Variants in F5 observed in about 807,000 individuals in gnomAD.
The protein encoded by F5 is activated protein c cofactor.
F5 carries 138 observed loss-of-function variants against 216.4 expected under a neutral mutation model. The observed-to-expected ratio is 0.64, with a 90% CI of 0.56 to 0.73. F5 has a LOEUF of 0.73. Ranked by LOEUF, F5 falls within the 30% of genes least tolerant of loss-of-function variation. F5 has a pLI of 0.00. For missense variants in F5, 2,403 were observed against 2,674.0 expected, an observed-to-expected ratio of 0.90 and a Z score of 2.24; for synonymous variants, 916 against 930.7, an observed-to-expected ratio of 0.98 and a Z score of 0.29.
intron 20 of F5, 30 bp from the exon 21 acceptor site, chr1:169,523,382 C>T: frequency 1.2e-6 from 2 of 1,613,426 alleles, no homozygotes; most frequent in South Asian, 1.1e-5. Context: ...GTAAACAGAA[C>T]TGTCCTTGTC....
intron 20 of F5, 114 bp downstream of exon 20, chr1:169,523,687 A>T: frequency 1.0e-6 from 1 of 975,182 alleles, no homozygotes; most frequent in Non-Finnish European, 1.6e-6. Flanking sequence ...CCTCACACTT[A>T]GTACTTGCTA....
intron 22 of F5, among the ~76,000 whole-genome samples, chr1:169,518,908 CT>C (rs1262845126): frequency 6.6e-6 from 1 of 152,190 alleles, no homozygotes; most frequent in African/African-American, 2.4e-5. Flanking sequence ...GTCTTGGAAA[CT>C]TTGGTCTTTG....
At chr1:169,543,232 GGGCTGT>G in intron 12 of F5, 118 bp from the exon 13 acceptor site, 1 of 899,394 alleles carries the variant, frequency 1.1e-6, no homozygotes, top group South Asian at 1.4e-5. Flanking sequence ...ATTCAAGTAT[GGGCTGT>G]GGACCACTGC....
chr1:169,543,178 A>G (rs1659912655), intron 12 of F5, 64 bp from the exon 13 acceptor site: 2 of 1,439,498 alleles, frequency 1.4e-6, no homozygotes, highest in African/African-American at 1.4e-5. Flanking sequence ...AAAACACAAT[A>G]ATCCATTGTG....
rs549332286 is a variant in F5 at position 169,541,034 on chromosome 1, G to A, written c.4056C>T (p.Leu1352=). The change falls in exon 13 of 25, where the codon CTC becomes CTT. Residue 1352 remains leucine (L), a synonymous_variant. Coordinates refer to ENST00000367797, the MANE Select transcript of F5 (RefSeq NM_000130.5). ...ELSQTNLSPA[L]GQMPLSPDPS... is the part of the protein sequence containing the mutation. ...GGTCTGGAGAAAGGGGCATCTGACCGAGGGCTGGGGAAAGGTTTGTTTGAC... is the reference window on the plus strand; with the variant it reads ...GGTCTGGAGAAAGGGGCATCTGACCAAGGGCTGGGGAAAGGTTTGTTTGAC... 3.8e-5 allele frequency: 61 copies of A among 1,605,500 alleles called. No individual in the cohort carries two copies. The highest frequency in any genetic ancestry group is 3.2e-4 in the African/African-American group (24 of 74,592).
chr1:169,545,703 G>A (rs917248954), intron 11 of F5, among the ~76,000 whole-genome samples: 1 of 152,174 alleles, frequency 6.6e-6, no homozygotes, highest in Admixed American at 6.5e-5. Flanking sequence ...GTCATCTGAA[G>A]CTATATGAAC....
chr1:169,574,369 G>T (rs1210816885), intron 2 of F5, among the ~76,000 whole-genome samples: 1 of 152,150 alleles, frequency 6.6e-6, no homozygotes, highest in African/African-American at 2.4e-5. Context: ...GGACTTTAAC[G>T]TGTGCTCCTT....
At chr1:169,560,500 C>T in intron 4 of F5, 54 bp downstream of exon 4, 1 of 1,572,264 alleles carries the variant, frequency 6.4e-7, no homozygotes, top group Non-Finnish European at 8.8e-7. Context: ...CATGACAGAA[C>T]TCCTGACCAT....
Position 169,556,743 on chromosome 1 carries a change from G to A in F5, c.855C>T (p.Ala285=), listed in dbSNP as rs1193871134. The part of the protein sequence containing the change: ...VLEQNHHKVS[A]ITLVSATSTT... ...TGGATGTAGCACTGACAAGGGTGAT[G>A]GCTGAGACCTTATGATGGTTCTGCT... The change falls in exon 6 of 25, where the codon GCC becomes GCT. Residue 285 remains alanine, a synonymous_variant. Transcript: ENST00000367797. 1 of 1,614,108 alleles carries A rather than the reference G, an allele frequency of 6.2e-7. No individual in the cohort carries two copies. The highest frequency in any genetic ancestry group is 1.1e-5 in the South Asian group (1 of 91,082).
intron 2 of F5, 103 bp downstream of exon 2, chr1:169,582,328 G>T: frequency 3.2e-6 from 2 of 624,948 alleles, no homozygotes; most frequent in Non-Finnish European, 5.5e-6. Flanking sequence ...AAAACCACAC[G>T]TTTCTATAAA....
In F5 at chr1:169,540,755, G is replaced by A; in HGVS notation, c.4335C>T (p.Thr1445=). ...TCTGGCTGAGATCCGGGAGAAGGGT[G>A]GTGTCACTGATGTCTGGAGAGAGAG... ...QVTLSPDISD[T]TLLPDLSQIS... Residue 1445 remains threonine, a synonymous_variant, in exon 13 of 25, where the codon ACC becomes ACT. Transcript: ENST00000367797. The A allele has an allele frequency of 6.2e-7, 1 of 1,614,008 alleles. No individual in the cohort carries two copies.
chr1:169,547,462 G>T (rs10919186), intron 10 of F5, among the ~76,000 whole-genome samples: 2 of 151,966 alleles, frequency 1.3e-5, no homozygotes, highest in Non-Finnish European at 2.9e-5. Flanking sequence ...GGTCTAATAT[G>T]GAGCATTTAT....
In F5 at chr1:169,530,807, G is replaced by C. The variant is rs1659578049; in HGVS notation, c.5187C>G (p.Ala1729=). The change falls in exon 15 of 25, where the codon GCC becomes GCG. Residue 1729 remains alanine, a synonymous_variant. Transcript: ENST00000367797. ...ESPGSACRAW[A]YYSAVNPEKD... is the part of the protein sequence containing the mutation. ...CTACTGGGTTCACAGCTGAGTAGTA[G>C]GCCCAAGCCCGACAGGCAGAGCCAG... 6.2e-7 allele frequency: 1 copy of C among 1,613,906 alleles called. No homozygotes were observed. The highest frequency in any genetic ancestry group is 2.2e-5 in the East Asian group (1 of 44,878).
At chr1:169,574,160 A>G (rs1015836595) in intron 2 of F5, among the ~76,000 whole-genome samples, 1 of 152,304 alleles carries the variant, frequency 6.6e-6, no homozygotes, top group Admixed American at 6.5e-5. Flanking sequence ...GGACTTGAGC[A>G]TCTGCAAATT....
chr1:169,522,540 A>G (rs982318571), intron 21 of F5, among the ~76,000 whole-genome samples: 11 of 152,172 alleles, frequency 7.2e-5, no homozygotes, highest in Non-Finnish European at 1.0e-4. Context: ...AAAATAGGTA[A>G]CTAATAAACA....
Position 169,552,714 on chromosome 1 carries a change from A to C in F5, c.1139T>G (p.Leu380Trp). Residue 380 changes from leucine to tryptophan, a missense_variant, in exon 8 of 25, where the codon TTG (leucine) becomes TGG (tryptophan). Physicochemically the swap from Leu to Trp is moderately conservative, Grantham distance 61. Around this residue, in one of 4 missense-constraint regions of F5, gnomAD observed 1,425 missense variants for 1,554.8 expected, o/e 0.92. Coordinates refer to ENST00000367797, the MANE Select transcript of F5 (RefSeq NM_000130.5). The part of the protein sequence containing the change: ...NMDKKYRSQH[L>W]DNFSNQIGKH... ...TCCAATTTGGTTTGAGAAATTATCC[A>C]AATGCTGAGACCTGTATTTTCTTAA... is the stretch of plus-strand genomic sequence containing the variant. The C allele has an allele frequency of 1.2e-6, 2 of 1,611,466 alleles. No homozygotes were observed. The highest frequency in any genetic ancestry group is 1.7e-6 in the Non-Finnish European group (2 of 1,178,946).
intron 8 of F5, among the ~76,000 whole-genome samples, chr1:169,552,053 A>G (rs1240664997): frequency 1.3e-5 from 2 of 152,222 alleles, no homozygotes; most frequent in African/African-American, 4.8e-5. Flanking sequence ...CTTTTAATCT[A>G]TTATGCTGGT....
chr1:169,547,669 T>C (rs1660047020), intron 10 of F5, among the ~76,000 whole-genome samples: 1 of 151,770 alleles, frequency 6.6e-6, no homozygotes, highest in Non-Finnish European at 1.5e-5. Context: ...AGAATGGCTA[T>C]TATTAAAAAG....
chr1:169,551,883 T>C (rs1004377409), intron 8 of F5, among the ~76,000 whole-genome samples: 2 of 152,244 alleles, frequency 1.3e-5, no homozygotes, highest in Admixed American at 1.3e-4. Flanking sequence ...TCTTGATACA[T>C]GGAGTTTACC....
Sources: gnomAD v4.1 joint callset for allele counts (sites outside exome capture counted in the v4.1 genomes callset) on GRCh38, gnomAD v4.1.1 for gene constraint, gnomAD v4.1.1 regional missense constraint, MANE v1.5 for transcripts, NCBI Gene and HGNC (gene_info 2026-07-23, HGNC 2026-07-21) for gene names.